FGD4: variants seen among roughly 807,000 people sequenced by gnomAD.
The protein encoded by FGD4 is FYVE, RhoGEF and PH domain-containing protein 4.
A neutral mutation model predicts 102.0 loss-of-function variants in FGD4; 42 were observed. That is an observed-to-expected ratio of 0.41 (90% confidence interval 0.32 to 0.53). The LOEUF is 0.53. FGD4 is among the 20% of genes least tolerant of loss of function. The pLI, the probability that FGD4 is intolerant of heterozygous loss-of-function variation, is 0.21. For missense variants in FGD4, 902 were observed against 1,078.2 expected (o/e 0.84, Z 2.29); for synonymous variants, 380 against 375.7 (o/e 1.01, Z -0.13).
rs531232047 is a variant in FGD4, at chr12:32,506,232, G to A, written c.167-57905G>A. Among the ~76,000 whole-genome samples, 76 of 152,280 alleles carry A rather than the reference G, an allele frequency of 5.0e-4. 1 individual carries two copies. The highest frequency in any genetic ancestry group is 4.8e-3 in the South Asian group (23 of 4,818). ...CAGATGAAATTTTCAGTATGCCTAG[G>A]TGGAATACACCTTTGAAAGATGATT... is the stretch of plus-strand genomic sequence containing the variant. On this transcript the variant is annotated intron_variant, in intron 1 of 16. Transcript: ENST00000534526. This position sits in a 1 kb window ranked among gnomAD's most constrained non-coding sequence, Gnocchi z 4.5.
chr12:32,633,425 C>A (rs1248149598), intron 14 of FGD4, 124 bp from the exon 15 acceptor site: 3 of 1,057,402 alleles, frequency 2.8e-6, no homozygotes, highest in African/African-American at 3.2e-5. Context: ...AGGGATGTTC[C>A]TTTTCTAACA....
intron 1 of FGD4, among the ~76,000 whole-genome samples, chr12:32,422,824 A>G (rs1490192174): frequency 6.6e-6 from 1 of 152,132 alleles, no homozygotes; most frequent in Admixed American, 6.6e-5. Context: ...TGAGTCAGCT[A>G]TTATTTACTG....
chr12:32,595,275 T>A (rs886823092), intron 4 of FGD4, among the ~76,000 whole-genome samples: 1 of 152,186 alleles, frequency 6.6e-6, no homozygotes. Context: ...TGCTTAAAAA[T>A]TACTTAGGTT....
At chr12:32,414,915 C>T (rs1253890737) in intron 1 of FGD4, among the ~76,000 whole-genome samples, 1 of 152,004 alleles carries the variant, frequency 6.6e-6, no homozygotes, top group Non-Finnish European at 1.5e-5. Context: ...GATGTAGGCC[C>T]TCATAGGTGT....
chr12:32,417,701 TC>T (rs1475924368), intron 1 of FGD4, among the ~76,000 whole-genome samples: 1 of 151,868 alleles, frequency 6.6e-6, no homozygotes, highest in Admixed American at 6.6e-5. Context: ...ACTAATTCTT[TC>T]TTCTGCTTGA....
intron 1 of FGD4, among the ~76,000 whole-genome samples, chr12:32,500,113 T>C (rs1938076673): frequency 6.6e-6 from 1 of 152,190 alleles, no homozygotes; most frequent in African/African-American, 2.4e-5. Flanking sequence ...TGGGAGGTGG[T>C]GTAGCGCAAT....
intron 8 of FGD4, among the ~76,000 whole-genome samples, chr12:32,610,336 C>T (rs1389301768): frequency 6.6e-6 from 1 of 152,160 alleles, no homozygotes; most frequent in South Asian, 2.1e-4. Context: ...CTGTAAGTTT[C>T]AAAGTCTGAG....
intron 1 of FGD4, among the ~76,000 whole-genome samples, chr12:32,424,893 C>A (rs1347659181): frequency 6.6e-6 from 1 of 152,000 alleles, no homozygotes; most frequent in Non-Finnish European, 1.5e-5. Context: ...CTGTTCATAT[C>A]CTTTGCCCAC....
chr12:32,454,755 G>A (rs1039574444), intron 1 of FGD4, among the ~76,000 whole-genome samples: 2 of 152,008 alleles, frequency 1.3e-5, no homozygotes, highest in Non-Finnish European at 2.9e-5. Context: ...ATATTTTGCT[G>A]GTATCTTAAA....
chr12:32,408,131 C>G (rs1287432401), intron 1 of FGD4, among the ~76,000 whole-genome samples: 1 of 150,892 alleles, frequency 6.6e-6, no homozygotes. Context: ...TCCTCAATAG[C>G]TGGGATTACA....
chr12:32,400,744 A>G (rs2136373167), intron 1 of FGD4, among the ~76,000 whole-genome samples: 1 of 152,332 alleles, frequency 6.6e-6, no homozygotes, highest in African/African-American at 2.4e-5. Flanking sequence ...CGGTAACCAG[A>G]GGTGTCTGGT....
chr12:32,624,412 T>C lies in FGD4; in HGVS notation c.1923-10T>C. On this transcript the variant is annotated splice_polypyrimidine_tract_variant and intron_variant, in intron 11 of 16. Coordinates refer to ENST00000534526, the MANE Select transcript of FGD4 (RefSeq NM_001370298.3). ...TTATTTACATTCACTTTAATTTTGT[T>C]TTATTTTAGTTCTGCGCAAGACAAA... 1.3e-6 allele frequency: 2 copies of C among 1,586,730 alleles called. No homozygotes were observed. The highest frequency in any genetic ancestry group is 8.6e-7 in the Non-Finnish European group (1 of 1,157,014).
In FGD4 at chr12:32,582,091, A is replaced by C; in HGVS notation, c.635A>C (p.Gln212Pro). ...KLLSQHLPQR[Q>P]GNDTDKTQGA... ...CTCTCCCAGCACTTGCCACAGAGGC[A>C]GGGAAATGATACAGATAAGACTCAG... Residue 212 changes from glutamine (Q) to proline (P), a missense_variant, in exon 4 of 17, where the codon CAG becomes CCG. This residue lies in a region of FGD4 where 443 missense variants were observed against 459.2 expected (regional missense o/e 0.96). Coordinates refer to ENST00000534526, the MANE Select transcript of FGD4 (RefSeq NM_001370298.3). 6.2e-7 allele frequency: 1 copy of C among 1,614,242 alleles called. No homozygotes were observed. Among genetic ancestry groups the C allele is most frequent in the East Asian group, 2.2e-5 (1 of 44,888 alleles).
intron 1 of FGD4, among the ~76,000 whole-genome samples, chr12:32,472,977 C>A (rs1231874155): frequency 6.6e-6 from 1 of 151,982 alleles, no homozygotes; most frequent in Non-Finnish European, 1.5e-5. Context: ...CACCAATCAG[C>A]ACCCTGTGTT....
At chr12:32,534,179 T>C in intron 1 of FGD4, 1 of 619,964 alleles carries the variant, frequency 1.6e-6, no homozygotes, top group South Asian at 7.5e-5. Flanking sequence ...AGTTGTTTAC[T>C]TTACTTTGAT....
Position 32,566,993 on chromosome 12 carries a change from G to T in FGD4, c.319+2704G>T, listed in dbSNP as rs1315128391. Among the ~76,000 whole-genome samples the T allele has an allele frequency of 9.2e-5, 14 of 152,302 alleles. No homozygotes were observed. In the South Asian group the frequency reaches 2.9e-3, roughly 32 times the overall value. On this transcript the variant is annotated intron_variant, in intron 2 of 16. Transcript: ENST00000534526. ...AGTCTGCCTTTCTTCCTGGTCCAGG[G>T]CGTGTAGCCCTCCTGTGCAAATAAC...
chr12:32,598,372 A>G, intron 4 of FGD4, 125 bp from the exon 5 acceptor site: 1 of 663,876 alleles, frequency 1.5e-6, no homozygotes, highest in Non-Finnish European at 2.6e-6. Flanking sequence ...GATGGCTGAA[A>G]GAACCGAGTA....
intron 2 of FGD4, among the ~76,000 whole-genome samples, chr12:32,568,523 A>G (rs533229569): frequency 2.2e-5 from 3 of 138,264 alleles, no homozygotes; most frequent in East Asian, 4.1e-4. Flanking sequence ...TTTAGTAATT[A>G]AAGTTAATAG....
intron 1 of FGD4, among the ~76,000 whole-genome samples, chr12:32,459,660 T>C (rs1943046869): frequency 6.6e-6 from 1 of 152,038 alleles, no homozygotes; most frequent in African/African-American, 2.4e-5. Flanking sequence ...AAAAGAAATG[T>C]ATTTAAAAAT....
Sources: allele counts gnomAD v4.1 joint callset (sites outside exome capture counted in the v4.1 genomes callset), GRCh38; gene constraint gnomAD v4.1.1; regional missense constraint gnomAD v4.1.1; non-coding constraint Gnocchi (gnomAD v3.1); transcripts MANE v1.5; gene names NCBI Gene and HGNC (gene_info 2026-07-23, HGNC 2026-07-21).